FAM114A1: variants seen among roughly 807,000 people sequenced by gnomAD.
FAM114A1 encodes the protein family with sequence similarity 114 member A1.
A neutral mutation model predicts 64.3 loss-of-function variants in FAM114A1; 62 were observed. The observed-to-expected ratio is 0.96, with a 90% confidence interval of 0.79 to 1.19. The LOEUF (loss-of-function observed/expected upper bound fraction) is 1.19, where lower values mean the gene tolerates loss of function less well. Ranked by LOEUF, FAM114A1 falls within the 50% of genes most tolerant of loss-of-function variation. FAM114A1 has a pLI of 0.00. For missense variants in FAM114A1, 645 were observed against 676.3 expected (o/e 0.95, Z 0.51); for synonymous variants, 254 against 251.1 (o/e 1.01, Z -0.11).
intron 4 of FAM114A1, among the ~76,000 whole-genome samples, 193 bp from the exon 5 acceptor site, chr4:38,905,329 G>GT (rs1297748622): frequency 6.6e-6 from 1 of 151,978 alleles, no homozygotes; most frequent in Non-Finnish European, 1.5e-5. Context: ...AACTCGGGAG[G>GT]CGGAGGTTGC....
intron 13 of FAM114A1, among the ~76,000 whole-genome samples, chr4:38,938,138 G>C (rs1721266350): frequency 6.6e-6 from 1 of 152,144 alleles, no homozygotes; most frequent in African/African-American, 2.4e-5. Context: ...GGGTAAAAAG[G>C]TTTGAATAGC....
At chr4:38,887,193 C>G (rs1244446381) in intron 3 of FAM114A1, among the ~76,000 whole-genome samples, 1 of 152,136 alleles carries the variant, frequency 6.6e-6, no homozygotes, top group East Asian at 1.9e-4. Flanking sequence ...AAGAACTACT[C>G]AAATGTTTAA....
At chr4:38,890,238 A>G (rs1011101701) in intron 3 of FAM114A1, among the ~76,000 whole-genome samples, 1 of 152,000 alleles carries the variant, frequency 6.6e-6, no homozygotes, top group Admixed American at 6.6e-5. Flanking sequence ...CCTCGTCTCT[A>G]CTAAAATAGA....
chr4:38,879,929 C>T (rs1439806770), intron 3 of FAM114A1, among the ~76,000 whole-genome samples: 1 of 151,884 alleles, frequency 6.6e-6, no homozygotes, highest in East Asian at 1.9e-4. Context: ...ATTAGCCAGG[C>T]ATGGTAGTAT....
At chr4:38,929,908 C>G (rs970802926) in intron 10 of FAM114A1, among the ~76,000 whole-genome samples, 1 of 152,166 alleles carries the variant, frequency 6.6e-6, no homozygotes, top group African/African-American at 2.4e-5. Context: ...TACCTTGTAA[C>G]CTTGAATAAG....
At position 38,944,317 on chromosome 4, in the gene FAM114A1, G is replaced by A. The variant is rs111658740; in HGVS notation, c.*760G>A. The A allele has an allele frequency of 0.015, 2,220 of 152,016 alleles. 24 individuals carry two copies. The highest frequency in any genetic ancestry group is 0.051 in the Middle Eastern group (15 of 294). The allele number at this position is 152,016 out of a possible 1,614,324, so 9.4% of individuals were successfully genotyped here. A position where few individuals can be genotyped will look rare whatever the true frequency, so the allele number is the denominator to read the frequency against. ...GATCTCCTGACCTCGTGATCTGCCC[G>A]CCTCAGCCTCCCAAAGTGCTGGGAT... On this transcript the variant is annotated 3_prime_UTR_variant, in exon 15 of 15. Coordinates refer to ENST00000358869, the MANE Select transcript of FAM114A1 (RefSeq NM_138389.4).
chr4:38,878,484 G>A lies in FAM114A1; in HGVS notation c.348+58G>A, dbSNP rs577805215. 1.9e-4 allele frequency: 273 copies of A among 1,453,482 alleles called. No homozygotes were observed. The African/African-American group carries it at 2.7e-3, about 14-fold the overall frequency. The allele number at this position is 1,453,482 out of a possible 1,614,324, so 90.0% of individuals were successfully genotyped here. The stretch of plus-strand genomic sequence containing the variant: ...AAGTTCTTGCTTATATCTACCGTGT[G>A]CAGAGCTAGCACCAAGCTCTGTGGG... On this transcript the variant is annotated intron_variant, in intron 3 of 14. Coordinates refer to ENST00000358869, the MANE Select transcript of FAM114A1 (RefSeq NM_138389.4).
At chr4:38,912,630 C>T (rs58059019) in intron 7 of FAM114A1, among the ~76,000 whole-genome samples, 1 of 152,124 alleles carries the variant, frequency 6.6e-6, no homozygotes, top group East Asian at 1.9e-4. Context: ...GATCGGCCCA[C>T]CTTGGCCTCC....
intron 4 of FAM114A1, among the ~76,000 whole-genome samples, chr4:38,899,129 CAGAGGGATGAGT>C (rs1258390850): frequency 6.6e-6 from 1 of 151,774 alleles, no homozygotes; most frequent in African/African-American, 2.4e-5. Context: ...GGATGCCCAG[CAGAGGGATGAGT>C]CAGAAATTGT....
intron 3 of FAM114A1, among the ~76,000 whole-genome samples, chr4:38,882,295 G>A (rs1437035345): frequency 8.1e-6 from 1 of 123,760 alleles, no homozygotes; most frequent in Non-Finnish European, 1.7e-5. Context: ...GTCCGGCCTG[G>A]GCGACAGAGC....
rs1560307919 is a variant in FAM114A1 at position 38,905,804 on chromosome 4, C to G, written c.600C>G (p.Ser200=). 6.2e-7 allele frequency: 1 copy of G among 1,613,964 alleles called. No homozygotes were observed. The highest frequency in any genetic ancestry group is 8.5e-7 in the Non-Finnish European group (1 of 1,180,024). ...DQGPAESPPT[S]PSSASRGMLS... is the part of the protein sequence containing the mutation. ...GCCCTGCAGAAAGCCCACCCACTTC[C>G]CCTTCATCAGCCTCTCGGGGTATGC... Residue 200 remains serine (S), a synonymous_variant, in exon 6 of 15, where the codon TCC becomes TCG. Transcript: ENST00000358869.
At chr4:38,900,152 C>T (rs1434092859) in intron 4 of FAM114A1, among the ~76,000 whole-genome samples, 2 of 151,862 alleles carry the variant, frequency 1.3e-5, no homozygotes, top group Non-Finnish European at 1.5e-5. Flanking sequence ...GAGATAATAC[C>T]TCACACCCAT....
chr4:38,873,308 G>A (rs962993340), intron 2 of FAM114A1, among the ~76,000 whole-genome samples: 6 of 152,114 alleles, frequency 3.9e-5, no homozygotes, highest in African/African-American at 1.4e-4. Flanking sequence ...ACTGGGAGGT[G>A]AAGGAAAAAA....
At position 38,941,000 on chromosome 4, in the gene FAM114A1, G is replaced by A. The variant is rs751126239; in HGVS notation, c.1569G>A (p.Met523Ile). 6.2e-7 allele frequency: 1 copy of A among 1,613,874 alleles called. No individual in the cohort carries two copies. Among genetic ancestry groups the A allele is most frequent in the South Asian group, 1.1e-5 (1 of 91,060 alleles). ...SNKKAEVLNPMISSVLLEGCN... is the reference protein window; with the variant it reads ...SNKKAEVLNPIISSVLLEGCN... ...AGAAGGCCGAGGTCCTTAACCCCAT[G>A]ATCAGTAGTGTATTGTTAGAGGTAA... Residue 523 changes from methionine to isoleucine, a missense_variant, in exon 14 of 15, where the codon ATG becomes ATA. Met to Ile is a conservative substitution (Grantham distance 10). Transcript: ENST00000358869.
At chr4:38,909,005 A>G (rs1350793833) in intron 7 of FAM114A1, among the ~76,000 whole-genome samples, 1 of 152,242 alleles carries the variant, frequency 6.6e-6, no homozygotes, top group Non-Finnish European at 1.5e-5. Context: ...TACAGATGTA[A>G]AAGTACATAT....
chr4:38,900,530 G>A (rs1437734745), intron 4 of FAM114A1, among the ~76,000 whole-genome samples: 1 of 152,134 alleles, frequency 6.6e-6, no homozygotes. Context: ...AAAGCAAAAT[G>A]TGGTCTTTAC....
At chr4:38,920,132 G>A (rs1011938811) in intron 8 of FAM114A1, among the ~76,000 whole-genome samples, 2 of 151,916 alleles carry the variant, frequency 1.3e-5, no homozygotes, top group South Asian at 2.1e-4. Context: ...GCTTGAACCC[G>A]GGAGGCGGAG....
intron 3 of FAM114A1, among the ~76,000 whole-genome samples, chr4:38,879,574 C>A (rs1243364623): frequency 6.6e-6 from 1 of 152,172 alleles, no homozygotes; most frequent in Admixed American, 6.5e-5. Flanking sequence ...GGGGTTTGAC[C>A]CTCAGAACTG....
At chr4:38,910,315 C>T (rs1718415248) in intron 7 of FAM114A1, among the ~76,000 whole-genome samples, 1 of 151,982 alleles carries the variant, frequency 6.6e-6, no homozygotes, top group Admixed American at 6.6e-5. Context: ...GAAAGAACAA[C>T]CACCCCTAAG....
Sources: gnomAD v4.1 joint callset for allele counts (sites outside exome capture counted in the v4.1 genomes callset) on GRCh38, gnomAD v4.1.1 for gene constraint, MANE v1.5 for transcripts, NCBI Gene and HGNC (gene_info 2026-07-23, HGNC 2026-07-21) for gene names.